Variants in ZNF423 observed in about 807,000 individuals in gnomAD.
ZNF423 encodes the protein Ebf-associated zinc finger protein.
Under a neutral mutation model 95.8 loss-of-function variants are expected in ZNF423, and 12 were observed. The ratio of observed to expected loss-of-function variants is 0.13; its 90% CI spans 0.08 to 0.20. ZNF423 has a LOEUF of 0.20. Ranked by LOEUF, ZNF423 falls within the 10% of genes least tolerant of loss-of-function variation. The pLI is 1.00. For missense variants in ZNF423, 1,316 were observed against 1,737.1 expected (o/e 0.76, Z 4.31); for synonymous variants, 749 against 711.9 (o/e 1.05, Z -0.83).
chr16:49,787,699 C>A (rs181551392), intron 2 of ZNF423, among the ~76,000 whole-genome samples: 1 of 152,208 alleles, frequency 6.6e-6, no homozygotes, highest in East Asian at 1.9e-4. Flanking sequence ...GTGCTTGACA[C>A]CCCCCCTGCC....
At chr16:49,556,965 A>G (rs1407773132) in intron 5 of ZNF423, among the ~76,000 whole-genome samples, 1 of 152,202 alleles carries the variant, frequency 6.6e-6, no homozygotes, top group African/African-American at 2.4e-5. Flanking sequence ...AAGGCAGGAA[A>G]AAAACTATGA....
chr16:49,790,538 C>T (rs900866593), intron 1 of ZNF423, among the ~76,000 whole-genome samples: 2 of 152,220 alleles, frequency 1.3e-5, no homozygotes, highest in African/African-American at 4.8e-5. Context: ...CACTGTTGAC[C>T]GGGGTACAAA....
At chr16:49,649,344 C>T (rs1973301177) in intron 3 of ZNF423, among the ~76,000 whole-genome samples, 1 of 152,134 alleles carries the variant, frequency 6.6e-6, no homozygotes, top group Admixed American at 6.5e-5. Flanking sequence ...ACGAACAGGT[C>T]TCTAAGAGGC....
At position 49,855,105 on chromosome 16, in the gene ZNF423, A is replaced by T; in HGVS notation, c.40+630T>A. On this transcript the variant is annotated intron_variant, in intron 1 of 7. Transcript: ENST00000563137. The surrounding 1 kb of genome is among the most constrained non-coding windows in gnomAD (Gnocchi z 4.7). ...CCTCGGTGGAGGAGGCAGGAAGTGC[A>T]GGGGCCCGGGCCGGGAGAAGGCCTG... The T allele has an allele frequency of 1.1e-6, 1 of 929,532 alleles. No homozygotes were observed. The highest frequency in any genetic ancestry group is 1.3e-6 in the Non-Finnish European group (1 of 781,376). 57.6% of individuals were successfully genotyped at this position (929,532 alleles called of 1,614,324 possible). A position where few individuals can be genotyped will look rare whatever the true frequency, so the allele number is the denominator to read the frequency against.
At chr16:49,678,544 G>A (rs942361892) in intron 3 of ZNF423, among the ~76,000 whole-genome samples, 31 of 152,246 alleles carry the variant, frequency 2.0e-4, no homozygotes, top group African/African-American at 7.5e-4. Context: ...AACTGGAATC[G>A]AATAAAAAAA....
At chr16:49,503,501 C>T (rs1189035368) in intron 7 of ZNF423, among the ~76,000 whole-genome samples, 1 of 152,138 alleles carries the variant, frequency 6.6e-6, no homozygotes, top group Non-Finnish European at 1.5e-5. Context: ...CCTCCCCCTC[C>T]CAGCAGCACT....
At position 49,504,998 on chromosome 16, in the gene ZNF423, G is replaced by A. The variant is rs151107585; in HGVS notation, c.3850-13694C>T. On this transcript the variant is annotated intron_variant, in intron 7 of 7. Transcript: ENST00000563137. ...AAGTGTCTGTGTTTGCTCTGGCAGG[G>A]CAGGTGGGAGGCAGGAAGGTGAGCA... Among the ~76,000 whole-genome samples the A allele has an allele frequency of 2.6e-3, 393 of 152,332 alleles. 1 individual carries two copies. The highest frequency in any genetic ancestry group is 8.9e-3 in the African/African-American group (371 of 41,560).
chr16:49,846,097 T>C (rs1380143380), intron 1 of ZNF423, among the ~76,000 whole-genome samples: 1 of 151,458 alleles, frequency 6.6e-6, no homozygotes, highest in Non-Finnish European at 1.5e-5. Context: ...AGGTTAGGAG[T>C]TCGAGACCAG....
intron 3 of ZNF423, among the ~76,000 whole-genome samples, chr16:49,723,404 C>A (rs1240719897): frequency 1.3e-5 from 2 of 152,172 alleles, no homozygotes; most frequent in Non-Finnish European, 2.9e-5. Context: ...TGTGCCTCAA[C>A]CTAGCCTTTG....
At chr16:49,833,330 C>T (rs540594851) in intron 1 of ZNF423, among the ~76,000 whole-genome samples, 8 of 152,340 alleles carry the variant, frequency 5.3e-5, no homozygotes, top group Middle Eastern at 3.4e-3. Context: ...CCTACGCATG[C>T]GCCCAGCTCC....
intron 5 of ZNF423, among the ~76,000 whole-genome samples, chr16:49,545,396 G>A (rs1476320337): frequency 2.0e-5 from 3 of 152,158 alleles, no homozygotes; most frequent in African/African-American, 7.2e-5. Context: ...GGCTTGACAA[G>A]GGCAGCCCCA....
At chr16:49,539,272 T>C (rs1320218950) in intron 5 of ZNF423, among the ~76,000 whole-genome samples, 1 of 152,208 alleles carries the variant, frequency 6.6e-6, no homozygotes, top group Non-Finnish European at 1.5e-5. Flanking sequence ...CCACTCTTCA[T>C]GTCCGGGAGC....
At chr16:49,511,182 G>A (rs977210877) in intron 7 of ZNF423, among the ~76,000 whole-genome samples, 4 of 152,198 alleles carry the variant, frequency 2.6e-5, no homozygotes, top group Non-Finnish European at 4.4e-5. Flanking sequence ...TCCTCACTGC[G>A]CCTCTGTGGT....
intron 2 of ZNF423, among the ~76,000 whole-genome samples, chr16:49,741,249 C>G (rs1224016463): frequency 6.6e-6 from 1 of 151,700 alleles, no homozygotes; most frequent in Admixed American, 6.6e-5. Flanking sequence ...AATCCCAGCA[C>G]TTTGGGGGGC....
chr16:49,828,140 T>C (rs1466310690), intron 1 of ZNF423, among the ~76,000 whole-genome samples: 1 of 152,092 alleles, frequency 6.6e-6, no homozygotes, highest in East Asian at 1.9e-4. Context: ...CATTCCAAAT[T>C]CAGGCATTTT....
intron 3 of ZNF423, among the ~76,000 whole-genome samples, chr16:49,713,085 G>A (rs2032595489): frequency 6.6e-6 from 1 of 152,210 alleles, no homozygotes; most frequent in Admixed American, 6.5e-5. Flanking sequence ...TGACAAATCT[G>A]CTCCTCTGCT....
chr16:49,626,488 G>T (rs889984183), intron 4 of ZNF423, among the ~76,000 whole-genome samples: 1 of 152,016 alleles, frequency 6.6e-6, no homozygotes, highest in African/African-American at 2.4e-5. Flanking sequence ...TGGGAAAACT[G>T]CCATCTCAAG....
At chr16:49,574,222 C>T (rs770110699) in intron 5 of ZNF423, among the ~76,000 whole-genome samples, 1 of 152,104 alleles carries the variant, frequency 6.6e-6, no homozygotes, top group African/African-American at 2.4e-5. Flanking sequence ...GCTGTCTACA[C>T]AAAATTTTAA....
chr16:49,667,085 GC>G (rs1374329557), intron 3 of ZNF423, among the ~76,000 whole-genome samples: 1 of 152,198 alleles, frequency 6.6e-6, no homozygotes, highest in Non-Finnish European at 1.5e-5. Context: ...AGGGAAATAA[GC>G]CTGGAGTCAG....
Sources: allele counts gnomAD v4.1 joint callset (sites outside exome capture counted in the v4.1 genomes callset), GRCh38; gene constraint gnomAD v4.1.1; non-coding constraint Gnocchi (gnomAD v3.1); transcripts MANE v1.5; gene names NCBI Gene and HGNC (gene_info 2026-07-23, HGNC 2026-07-21).